LIMS1: variants seen among roughly 807,000 people sequenced by gnomAD.
The protein encoded by LIMS1 is LIM zinc finger domain containing 1, also known as LIM and senescent cell antigen-like-containing domain protein 1.
A neutral mutation model predicts 44.1 loss-of-function variants in LIMS1; 18 were observed. The observed-to-expected ratio is 0.41, with a 90% CI of 0.28 to 0.61. The LOEUF is 0.61. LIMS1 is among the 20% of genes least tolerant of loss of function. The probability of loss-of-function intolerance (pLI) is 0.32; values close to 1 mark genes in which losing one functional copy is unlikely to be tolerated. For synonymous variants in LIMS1, 93 were observed against 149.1 expected, an observed-to-expected ratio of 0.62 and a Z score of 2.74; for missense variants, 201 against 422.0, an observed-to-expected ratio of 0.48 and a Z score of 4.59.
chr2:108,600,860 T>C (rs1686968956), intron 1 of LIMS1, among the ~76,000 whole-genome samples: 1 of 150,930 alleles, frequency 6.6e-6, no homozygotes, highest in South Asian at 2.1e-4. Flanking sequence ...TCAGCTGTTT[T>C]GTGAATCCAC....
rs71381966 is a variant in LIMS1 at position 108,549,279 on chromosome 2, C to CTTTTT, written c.32+14714_32+14718dup. 4.7e-3 allele frequency among the ~76,000 whole-genome samples: 264 copies of CTTTTT among 55,796 alleles called. 53 individuals are homozygous for CTTTTT. The highest frequency in any genetic ancestry group is 6.8e-3 in the South Asian group (9 of 1,320). 36.6% of individuals were successfully genotyped at this position (55,796 alleles called of 152,430 possible). A position where few individuals can be genotyped will look rare whatever the true frequency, so the allele number is the denominator to read the frequency against. On this transcript the variant is annotated intron_variant, in intron 1 of 9. Transcript: ENST00000544547. ...ATAATAATGTACAAGTAAAGTGTTTCTTTTTTTTTTTTTTTTTTTTTTTTT... is the reference window on the plus strand; with the variant it reads ...ATAATAATGTACAAGTAAAGTGTTTCTTTTTTTTTTTTTTTTTTTTTTTTTTTTTT...
At chr2:108,588,532 G>A (rs187186497) in intron 1 of LIMS1, 1 of 985,632 alleles carries the variant, frequency 1.0e-6, no homozygotes, top group East Asian at 1.1e-4. Flanking sequence ...GCAGAACTGG[G>A]CCTGTGTGTG....
chr2:108,545,416 G>A (rs1031938188), intron 1 of LIMS1, among the ~76,000 whole-genome samples: 1 of 152,156 alleles, frequency 6.6e-6, no homozygotes, highest in African/African-American at 2.4e-5. Context: ...TGTATTTTTA[G>A]TAGAGACGCG....
intron 1 of LIMS1, among the ~76,000 whole-genome samples, chr2:108,603,062 C>T (rs890454938): frequency 6.6e-6 from 1 of 152,200 alleles, no homozygotes; most frequent in African/African-American, 2.4e-5. Context: ...CTGAGATTTA[C>T]AGGCACGAGC....
intron 1 of LIMS1, among the ~76,000 whole-genome samples, chr2:108,615,457 G>T (rs1687877999): frequency 6.6e-6 from 1 of 152,078 alleles, no homozygotes; most frequent in East Asian, 1.9e-4. Flanking sequence ...TTCTCTTTGG[G>T]TCGGGTGGGG....
chr2:108,536,651 A>G (rs1684152502), intron 1 of LIMS1, among the ~76,000 whole-genome samples: 1 of 152,148 alleles, frequency 6.6e-6, no homozygotes, highest in Admixed American at 6.5e-5. Flanking sequence ...CATGATCATG[A>G]CTTACTGCAC....
intron 1 of LIMS1, among the ~76,000 whole-genome samples, chr2:108,637,914 T>G (rs1689386045): frequency 6.6e-6 from 1 of 151,634 alleles, no homozygotes; most frequent in Non-Finnish European, 1.5e-5. Flanking sequence ...CAGGCCGGAA[T>G]GCAGTGGCAT....
At chr2:108,605,802 T>A (rs1687241644) in intron 1 of LIMS1, among the ~76,000 whole-genome samples, 1 of 152,244 alleles carries the variant, frequency 6.6e-6, no homozygotes, top group South Asian at 2.1e-4. Context: ...AGAAGTCAGA[T>A]TATCCTCTGA....
chr2:108,630,527 C>T (rs1450636698), intron 1 of LIMS1, among the ~76,000 whole-genome samples: 1 of 146,916 alleles, frequency 6.8e-6, no homozygotes, highest in Non-Finnish European at 1.5e-5. Flanking sequence ...TTGAAATCTT[C>T]AGTAATCAAA....
intron 1 of LIMS1, among the ~76,000 whole-genome samples, chr2:108,559,326 T>C (rs1685034115): frequency 6.6e-6 from 1 of 152,204 alleles, no homozygotes; most frequent in Admixed American, 6.5e-5. Context: ...TCAAAATAAC[T>C]TGTAAAAATG....
At chr2:108,607,361 C>T (rs1687328905) in intron 1 of LIMS1, 2 of 1,036,710 alleles carry the variant, frequency 1.9e-6, no homozygotes, top group Non-Finnish European at 2.9e-6. Flanking sequence ...ATAAATAGTA[C>T]ATGTGTGCAC....
chr2:108,537,160 C>T (rs1475538129), intron 1 of LIMS1, among the ~76,000 whole-genome samples: 1 of 152,150 alleles, frequency 6.6e-6, no homozygotes, highest in African/African-American at 2.4e-5. Context: ...ATCTGTGTGT[C>T]AACACAGTCC....
intron 1 of LIMS1, among the ~76,000 whole-genome samples, chr2:108,629,733 G>T (rs1445708527): frequency 1.3e-5 from 2 of 152,166 alleles, no homozygotes; most frequent in African/African-American, 4.8e-5. Flanking sequence ...TCCCAGACAG[G>T]ATTTCCCTGT....
At chr2:108,630,192 C>CAAAA (rs59941456) in intron 1 of LIMS1, among the ~76,000 whole-genome samples, 12 of 103,920 alleles carry the variant, frequency 1.2e-4, no homozygotes, top group Admixed American at 2.0e-4. Context: ...GACCCTGTCT[C>CAAAA]AAAAAAAAAA....
intron 1 of LIMS1, among the ~76,000 whole-genome samples, chr2:108,580,435 A>G (rs182004073): frequency 4.2e-4 from 64 of 152,270 alleles, no homozygotes; most frequent in Admixed American, 1.6e-3. Context: ...TAGATCTGTT[A>G]CCTGAAACAG....
At chr2:108,582,074 T>C (rs13413437) in intron 1 of LIMS1, among the ~76,000 whole-genome samples, 55,163 of 152,236 alleles carry the variant, frequency 0.36, 11,872 homozygotes, top group East Asian at 0.88. Flanking sequence ...TTAGTTACAG[T>C]GCTTTAGTTT....
intron 1 of LIMS1, among the ~76,000 whole-genome samples, chr2:108,586,258 A>G (rs534207593): frequency 2.0e-5 from 3 of 152,276 alleles, no homozygotes; most frequent in Admixed American, 6.5e-5. Context: ...GAGAGCTGTG[A>G]TGGTAGCTGG....
intron 1 of LIMS1, among the ~76,000 whole-genome samples, chr2:108,640,767 C>A (rs1280893004): frequency 6.6e-6 from 1 of 152,216 alleles, no homozygotes; most frequent in Admixed American, 6.5e-5. Flanking sequence ...TCACTTCAAA[C>A]ATTTATCATT....
chr2:108,611,382 A>G (rs1687591534), intron 1 of LIMS1, among the ~76,000 whole-genome samples: 1 of 152,174 alleles, frequency 6.6e-6, no homozygotes, highest in Non-Finnish European at 1.5e-5. Context: ...GCCCCGGGGA[A>G]GGAATAATCA....
Sources: gnomAD v4.1 joint callset for allele counts (sites outside exome capture counted in the v4.1 genomes callset) on GRCh38, gnomAD v4.1.1 for gene constraint, MANE v1.5 for transcripts, NCBI Gene and HGNC (gene_info 2026-07-23, HGNC 2026-07-21) for gene names.